Variants in ST6GAL2 observed in about 807,000 individuals in gnomAD.
ST6GAL2 encodes the protein beta-galactoside alpha-2,6-sialyltransferase 2.
ST6GAL2 carries 24 observed loss-of-function variants against 37.5 expected under a neutral mutation model. The ratio of observed to expected loss-of-function variants is 0.64; its 90% CI spans 0.46 to 0.90. The LOEUF is 0.90. Among genes scored for constraint, ST6GAL2 ranks in the 40% least tolerant of loss-of-function variants. ST6GAL2 has a pLI of 0.00. For synonymous variants in ST6GAL2, 306 were observed against 295.1 expected, an observed-to-expected ratio of 1.04 and a Z score of -0.38; for missense variants, 715 against 712.7, an observed-to-expected ratio of 1.00 and a Z score of -0.04.
intron 2 of ST6GAL2, among the ~76,000 whole-genome samples, chr2:106,841,811 C>A (rs1362164843): frequency 2.0e-5 from 3 of 152,130 alleles, no homozygotes; most frequent in African/African-American, 7.2e-5. Flanking sequence ...GTATTTGAAC[C>A]CTGCCATGGC....
intron 2 of ST6GAL2, among the ~76,000 whole-genome samples, chr2:106,840,268 G>C (rs562829723): frequency 3.7e-4 from 56 of 152,272 alleles, no homozygotes; most frequent in African/African-American, 1.3e-3. Context: ...CAAGAATTTC[G>C]CTACACCATG....
chr2:106,843,109 G>T lies in ST6GAL2; in HGVS notation c.869C>A (p.Pro290His), dbSNP rs755206333. ...VPAVPLSQLH[P>H]RGLRSCAVVM... ...GACAGCGCAGCTGCGCAGGCCGCGG[G>T]GGTGCAGCTGGCTCAGGGGCACGGC... Residue 290 changes from proline to histidine, a missense_variant, in exon 2 of 6, where the codon CCC becomes CAC. Around this residue, in one of 3 missense-constraint regions of ST6GAL2, gnomAD observed 512 missense variants for 488.8 expected, o/e 1.05. Coordinates refer to ENST00000409382, the MANE Select transcript of ST6GAL2 (RefSeq NM_001142351.2). 1.9e-5 allele frequency: 29 copies of T among 1,558,210 alleles called. No homozygotes were observed. Among genetic ancestry groups the T allele is most frequent in the Non-Finnish European group, 2.4e-5 (28 of 1,157,654 alleles).
At chr2:106,844,762 TAGG>T (rs202125858) in intron 1 of ST6GAL2, among the ~76,000 whole-genome samples, 4 of 152,114 alleles carry the variant, frequency 2.6e-5, no homozygotes, top group East Asian at 3.9e-4. Flanking sequence ...AAACTTGAAA[TAGG>T]AGGAGAGATG....
chr2:106,820,515 C>A (rs538575736), intron 5 of ST6GAL2, among the ~76,000 whole-genome samples: 5 of 152,100 alleles, frequency 3.3e-5, no homozygotes, highest in East Asian at 1.9e-4. Flanking sequence ...GAGAGCTAGA[C>A]CCCAAAATAA....
chr2:106,819,602 G>T (rs1376582170), intron 5 of ST6GAL2, among the ~76,000 whole-genome samples: 3 of 151,934 alleles, frequency 2.0e-5, no homozygotes, highest in South Asian at 2.1e-4. Context: ...TATCCAACAA[G>T]AAATGATAAA....
At chr2:106,861,951 C>A (rs921489819) in intron 1 of ST6GAL2, among the ~76,000 whole-genome samples, 1 of 152,136 alleles carries the variant, frequency 6.6e-6, no homozygotes, top group Non-Finnish European at 1.5e-5. Context: ...GGCATCCAAC[C>A]TCATTCATTC....
At chr2:106,825,868 T>G (rs1676181411) in intron 5 of ST6GAL2, among the ~76,000 whole-genome samples, 1 of 152,190 alleles carries the variant, frequency 6.6e-6, no homozygotes, top group Admixed American at 6.5e-5. Flanking sequence ...GCAATTAATA[T>G]CCACATGACA....
At chr2:106,824,608 G>C (rs1181219678) in intron 5 of ST6GAL2, among the ~76,000 whole-genome samples, 2 of 152,178 alleles carry the variant, frequency 1.3e-5, no homozygotes, top group Non-Finnish European at 2.9e-5. Flanking sequence ...CTCCAGCCTG[G>C]ATGACAGAGT....
chr2:106,874,244 G>T (rs1246707784), intron 1 of ST6GAL2, among the ~76,000 whole-genome samples: 3 of 152,110 alleles, frequency 2.0e-5, no homozygotes, highest in Non-Finnish European at 4.4e-5. Context: ...ATTAAATCAT[G>T]TTAGGTGTGT....
At chr2:106,878,146 G>A (rs905601308) in intron 1 of ST6GAL2, among the ~76,000 whole-genome samples, 4 of 152,160 alleles carry the variant, frequency 2.6e-5, no homozygotes, top group Non-Finnish European at 2.9e-5. Flanking sequence ...AAATAAATAC[G>A]AATACAACAA....
chr2:106,855,557 G>T (rs1573284931), intron 1 of ST6GAL2, among the ~76,000 whole-genome samples: 1 of 152,166 alleles, frequency 6.6e-6, no homozygotes, highest in South Asian at 2.1e-4. Context: ...GAGTGAGAGA[G>T]GGGATGCCTG....
intron 5 of ST6GAL2, among the ~76,000 whole-genome samples, chr2:106,817,053 C>T (rs1174911466): frequency 6.6e-6 from 1 of 152,200 alleles, no homozygotes; most frequent in Non-Finnish European, 1.5e-5. Flanking sequence ...ATCATCCATC[C>T]CAGTGGTCAC....
rs1269804780 is a variant in ST6GAL2, at chr2:106,806,812, G to T, written c.1456C>A (p.Leu486Ile). ...CGCTGCACCAGGAGCTTCTCATAGA[G>T]TAGTGGGTGGTACGCCCCGAGGGTG... ...ACTLGAYHPLLYEKLLVQRLN... is the reference protein window; with the variant it reads ...ACTLGAYHPLIYEKLLVQRLN... Residue 486 changes from leucine (L) to isoleucine (I), a missense_variant, in exon 6 of 6, where the codon CTC becomes ATC. Leu to Ile is a conservative substitution (Grantham distance 5). Coordinates refer to ENST00000409382, the MANE Select transcript of ST6GAL2 (RefSeq NM_001142351.2). The T allele has an allele frequency of 1.2e-6, 2 of 1,614,204 alleles. No individual in the cohort carries two copies. The highest frequency in any genetic ancestry group is 2.7e-5 in the African/African-American group (2 of 75,050).
Position 106,803,408 on chromosome 2 carries a change from C to T in ST6GAL2, c.*3270G>A, listed in dbSNP as rs1042637625. 6.6e-6 allele frequency: 1 copy of T among 152,136 alleles called. No individual in the cohort carries two copies. The highest frequency in any genetic ancestry group is 2.4e-5 in the African/African-American group (1 of 41,434). 9.4% of individuals were successfully genotyped at this position (152,136 alleles called of 1,614,324 possible). A position where few individuals can be genotyped will look rare whatever the true frequency, so the allele number is the denominator to read the frequency against. ...AACTTTTAATTGACCATCCCTTGGT[C>T]CTGAGCACAAAGTTCTCTGTAAGAG... On this transcript the variant is annotated 3_prime_UTR_variant, in exon 6 of 6. Transcript: ENST00000409382.
chr2:106,859,697 C>T (rs903995828), intron 1 of ST6GAL2, among the ~76,000 whole-genome samples: 1 of 152,148 alleles, frequency 6.6e-6, no homozygotes. Context: ...TGTACTGCCC[C>T]CATGTGGACC....
intron 2 of ST6GAL2, among the ~76,000 whole-genome samples, chr2:106,836,618 G>T (rs971573283): frequency 6.6e-6 from 1 of 151,510 alleles, no homozygotes; most frequent in Non-Finnish European, 1.5e-5. Context: ...AAATAGTGAT[G>T]CATTTTGTTA....
chr2:106,817,069 G>A (rs747748652), intron 5 of ST6GAL2, among the ~76,000 whole-genome samples: 4 of 152,194 alleles, frequency 2.6e-5, no homozygotes, highest in Non-Finnish European at 5.9e-5. Context: ...GTCACAACCT[G>A]AGTTCTGGCA....
chr2:106,881,577 T>G (rs576291590), intron 1 of ST6GAL2, among the ~76,000 whole-genome samples: 2 of 152,348 alleles, frequency 1.3e-5, no homozygotes, highest in East Asian at 3.9e-4. Flanking sequence ...ATTTTACTTC[T>G]GAATAATGAA....
intron 1 of ST6GAL2, among the ~76,000 whole-genome samples, chr2:106,851,488 T>C (rs1558709267): frequency 6.6e-6 from 1 of 152,208 alleles, no homozygotes; most frequent in Non-Finnish European, 1.5e-5. Flanking sequence ...AACTATGAAA[T>C]GTAAACGCTG....
Sources: gnomAD v4.1 joint callset for allele counts (sites outside exome capture counted in the v4.1 genomes callset) on GRCh38, gnomAD v4.1.1 for gene constraint, gnomAD v4.1.1 regional missense constraint, MANE v1.5 for transcripts, NCBI Gene and HGNC (gene_info 2026-07-23, HGNC 2026-07-21) for gene names.